LRFN5: variants seen among roughly 807,000 people sequenced by gnomAD.
LRFN5 encodes leucine-rich repeat and fibronectin type-III domain-containing protein 5.
A neutral mutation model predicts 45.6 loss-of-function variants in LRFN5; 24 were observed. The observed-to-expected ratio is 0.53, with a 90% CI of 0.38 to 0.74. The LOEUF is 0.74. Ranked by LOEUF, LRFN5 falls within the 30% of genes least tolerant of loss-of-function variation. The pLI, the probability that LRFN5 is intolerant of heterozygous loss-of-function variation, is 0.00. For synonymous variants in LRFN5, 340 were observed against 313.8 expected, an observed-to-expected ratio of 1.08 and a Z score of -0.88; for missense variants, 776 against 861.5, an observed-to-expected ratio of 0.90 and a Z score of 1.24.
At chr14:41,727,219 T>A (rs946305862) in intron 1 of LRFN5, among the ~76,000 whole-genome samples, 4 of 152,192 alleles carry the variant, frequency 2.6e-5, no homozygotes, top group Non-Finnish European at 5.9e-5. Context: ...ATTTGTATGT[T>A]AAAACAGTGA....
intron 2 of LRFN5, among the ~76,000 whole-genome samples, chr14:41,866,650 G>C (rs1453457024): frequency 6.6e-6 from 1 of 152,090 alleles, no homozygotes; most frequent in African/African-American, 2.4e-5. Context: ...TAAGAAAGGA[G>C]AAAAGCCTTC....
At chr14:41,706,711 G>A (rs932996037) in intron 1 of LRFN5, among the ~76,000 whole-genome samples, 4 of 151,988 alleles carry the variant, frequency 2.6e-5, no homozygotes, top group Non-Finnish European at 5.9e-5. Flanking sequence ...ATGTGTTTGC[G>A]GGCTTTTGTT....
chr14:41,775,560 A>T (rs1031572431), intron 2 of LRFN5, among the ~76,000 whole-genome samples: 10 of 152,180 alleles, frequency 6.6e-5, no homozygotes, highest in Non-Finnish European at 1.2e-4. Flanking sequence ...GAAAACAAAT[A>T]ACCTTTTCAT....
At chr14:41,731,187 T>C (rs1884160184) in intron 1 of LRFN5, 1 of 152,114 alleles carries the variant, frequency 6.6e-6, no homozygotes, top group African/African-American at 2.4e-5. Flanking sequence ...TCACTCTATT[T>C]TCCTTTTGTC....
chr14:41,663,949 T>C (rs1258709586), intron 1 of LRFN5, among the ~76,000 whole-genome samples: 1 of 152,004 alleles, frequency 6.6e-6, no homozygotes, highest in Admixed American at 6.6e-5. Flanking sequence ...AATAGACTTA[T>C]ATTGGATTAC....
intron 1 of LRFN5, among the ~76,000 whole-genome samples, chr14:41,755,121 T>G (rs1361297462): frequency 5.9e-5 from 9 of 152,224 alleles, no homozygotes; most frequent in Non-Finnish European, 1.3e-4. Flanking sequence ...TGCACTGTGG[T>G]CTGCGAGACA....
At chr14:41,646,324 T>A (rs1026479761) in intron 1 of LRFN5, among the ~76,000 whole-genome samples, 1 of 152,206 alleles carries the variant, frequency 6.6e-6, no homozygotes, top group African/African-American at 2.4e-5. Context: ...TTGATATTTT[T>A]AAGTTTTATT....
At chr14:41,889,725 T>C (rs1049331317) in intron 3 of LRFN5, among the ~76,000 whole-genome samples, 3 of 152,226 alleles carry the variant, frequency 2.0e-5, no homozygotes, top group South Asian at 2.1e-4. Context: ...GATTAAATTT[T>C]AATGTATACA....
chr14:41,886,633 A>C lies in LRFN5; in HGVS notation c.8A>C (p.Lys3Thr), dbSNP rs1890581687. 5 of 1,576,488 alleles carry C rather than the reference A, an allele frequency of 3.2e-6. No homozygotes were observed. Among genetic ancestry groups the C allele is most frequent in the Non-Finnish European group, 4.3e-6 (5 of 1,166,394 alleles). ...TCTTAAACCTGATCTACAATGGAAA[A>C]AATTCTTTTTTATCTGTTTCTCATT... The part of the protein sequence containing the change: ME[K>T]ILFYLFLIGI... Residue 3 changes from lysine to threonine, a missense_variant, in exon 3 of 6, where the codon AAA (lysine) becomes ACA (threonine). Coordinates refer to ENST00000298119, the MANE Select transcript of LRFN5 (RefSeq NM_152447.5).
chr14:41,797,459 T>C (rs1184044373), intron 2 of LRFN5, among the ~76,000 whole-genome samples: 1 of 151,738 alleles, frequency 6.6e-6, no homozygotes, highest in Admixed American at 6.6e-5. Context: ...TATGATAGCA[T>C]TGTTCTGTTT....
Position 41,886,795 on chromosome 14 carries a change from G to C in LRFN5, c.170G>C (p.Arg57Pro), listed in dbSNP as rs1224152760. 1.9e-6 allele frequency: 3 copies of C among 1,614,038 alleles called. No homozygotes were observed. Among genetic ancestry groups the C allele is most frequent in the Non-Finnish European group, 2.5e-6 (3 of 1,180,002 alleles). The change falls in exon 3 of 6, where the codon CGG becomes CCG. Residue 57 changes from arginine to proline, a missense_variant. By Grantham distance (103) the Arg-to-Pro change is moderately radical (BLOSUM62 -2). This residue lies in a region of LRFN5 where 311 missense variants were observed against 405.1 expected (regional missense o/e 0.77). Coordinates refer to ENST00000298119, the MANE Select transcript of LRFN5 (RefSeq NM_152447.5). ...ATTGACAGAAGAACTGTGGAACTGC[G>C]GTTGGCAGACAATTTTGTTACAAAT... Reference protein sequence around the residue: ...PNIDRRTVELRLADNFVTNIK... With the variant: ...PNIDRRTVELPLADNFVTNIK...
At chr14:41,796,871 C>T (rs776323362) in intron 2 of LRFN5, among the ~76,000 whole-genome samples, 17 of 151,842 alleles carry the variant, frequency 1.1e-4, no homozygotes, top group Middle Eastern at 3.4e-3. Flanking sequence ...TATTTTTTCA[C>T]GTCTTCAATC....
At chr14:41,789,938 AAGG>A (rs1886860481) in intron 2 of LRFN5, among the ~76,000 whole-genome samples, 1 of 151,836 alleles carries the variant, frequency 6.6e-6, no homozygotes, top group South Asian at 2.1e-4. Context: ...TTCTACTTTC[AAGG>A]TTATGCTGCC....
chr14:41,716,172 T>C (rs59141053), intron 1 of LRFN5, among the ~76,000 whole-genome samples: 6,816 of 152,176 alleles, frequency 0.045, 341 homozygotes, highest in African/African-American at 0.12. Flanking sequence ...GACCACTTTT[T>C]CCTCCTCAGC....
intron 2 of LRFN5, among the ~76,000 whole-genome samples, chr14:41,859,935 T>A (rs920552870): frequency 6.6e-6 from 1 of 152,170 alleles, no homozygotes; most frequent in Non-Finnish European, 1.5e-5. Context: ...CTTTCTACAC[T>A]GGGTTTTGGA....
At chr14:41,795,900 A>G (rs1374545345) in intron 2 of LRFN5, among the ~76,000 whole-genome samples, 2 of 142,860 alleles carry the variant, frequency 1.4e-5, no homozygotes, top group East Asian at 4.4e-4. Flanking sequence ...CGTTGTGCAC[A>G]TGTACCCTAG....
intron 2 of LRFN5, among the ~76,000 whole-genome samples, chr14:41,859,191 C>A (rs1889576985): frequency 6.6e-6 from 1 of 152,142 alleles, no homozygotes; most frequent in South Asian, 2.1e-4. Context: ...TTCCATGTGC[C>A]ACTGAGAGCC....
intron 5 of LRFN5, among the ~76,000 whole-genome samples, chr14:41,903,420 A>G (rs1891158235): frequency 6.6e-6 from 1 of 151,448 alleles, no homozygotes; most frequent in African/African-American, 2.4e-5. Flanking sequence ...GTACTCATGT[A>G]TATGAAAGCA....
intron 1 of LRFN5, among the ~76,000 whole-genome samples, chr14:41,720,365 C>G (rs531564969): frequency 6.6e-6 from 1 of 152,162 alleles, no homozygotes; most frequent in African/African-American, 2.4e-5. Flanking sequence ...GATTCCATGT[C>G]TTTGCTATTG....
Sources: allele counts gnomAD v4.1 joint callset (sites outside exome capture counted in the v4.1 genomes callset), GRCh38; gene constraint gnomAD v4.1.1; regional missense constraint gnomAD v4.1.1; transcripts MANE v1.5; gene names NCBI Gene and HGNC (gene_info 2026-07-23, HGNC 2026-07-21).